SCGB2A1: variants seen among roughly 807,000 people sequenced by gnomAD.
The protein encoded by SCGB2A1 is secretoglobin family 2A member 1.
Under a neutral mutation model 9.2 loss-of-function variants are expected in SCGB2A1, and 6 were observed. The ratio of observed to expected loss-of-function variants is 0.66; its 90% CI spans 0.36 to 1.29. SCGB2A1 has a LOEUF of 1.29. SCGB2A1 is among the 50% of genes most tolerant of loss of function. The probability of loss-of-function intolerance (pLI) is 0.03; values close to 1 mark genes in which losing one functional copy is unlikely to be tolerated. For missense variants in SCGB2A1, 138 were observed against 116.9 expected, an observed-to-expected ratio of 1.18 and a Z score of -0.83; for synonymous variants, 37 against 41.0, an observed-to-expected ratio of 0.90 and a Z score of 0.37.
chr11:62,210,681 C>A, intron 2 of SCGB2A1, 81 bp downstream of exon 2: 1 of 1,092,654 alleles, frequency 9.2e-7, no homozygotes, highest in Non-Finnish European at 1.3e-6. Flanking sequence ...CCAAGAATGC[C>A]AAGCAACTGG....
Position 62,213,091 on chromosome 11 carries a change from C to CACACATATATAT in SCGB2A1, c.244-634_244-633insCACATATATATA, listed in dbSNP as rs57411910. ...ATATACATATATACACATATATACA[C>CACACATATATAT]ATATATATATATATATTTTTTTTTT... On this transcript the variant is annotated intron_variant, in intron 2 of 2. Transcript: ENST00000244930. 2.9e-3 allele frequency among the ~76,000 whole-genome samples: 40 copies of CACACATATATAT among 13,854 alleles called. 1 individual carries two copies. Among genetic ancestry groups the CACACATATATAT allele is most frequent in the South Asian group, 5.3e-3 (1 of 188 alleles). The allele number at this position is 13,854 out of a possible 152,430, so 9.1% of individuals were successfully genotyped here. A position where few individuals can be genotyped will look rare whatever the true frequency, so the allele number is the denominator to read the frequency against.
chr11:62,210,375 T>C, intron 1 of SCGB2A1, 38 bp from the exon 2 acceptor site: 1 of 1,535,008 alleles, frequency 6.5e-7, no homozygotes, highest in African/African-American at 1.4e-5. Flanking sequence ...TAATGGCCCA[T>C]GTTCTTGTGT....
chr11:62,212,957 TAC>T (rs113455333), intron 2 of SCGB2A1, among the ~76,000 whole-genome samples: 1 of 78,550 alleles, frequency 1.3e-5, no homozygotes, highest in Admixed American at 1.2e-4. Context: ...CACACATATG[TAC>T]ACATATGTAC....
intron 2 of SCGB2A1, among the ~76,000 whole-genome samples, chr11:62,211,675 C>T (rs528127358): frequency 6.6e-6 from 1 of 152,118 alleles, no homozygotes; most frequent in South Asian, 2.1e-4. Flanking sequence ...GCTGGGATTA[C>T]AGGTGTGAGC....
intron 2 of SCGB2A1, among the ~76,000 whole-genome samples, chr11:62,212,612 G>C (rs912761807): frequency 6.6e-5 from 10 of 152,006 alleles, no homozygotes; most frequent in Admixed American, 5.2e-4. Context: ...TCCAGCCTGG[G>C]CAACAGAGTA....
rs1944818227 is a variant in SCGB2A1, at chr11:62,210,308, G to A, written c.56-105G>A. 22 of 1,377,960 alleles carry A rather than the reference G, an allele frequency of 1.6e-5. 1 individual carries two copies. In the South Asian group the frequency reaches 3.2e-4, roughly 20 times the overall value. The allele number at this position is 1,377,960 out of a possible 1,614,324, so 85.4% of individuals were successfully genotyped here. ...TCTTTCTGAACCTCGGTCTGTCCCT[G>A]GAGGTACGAAGATAGCCAGCTTCCC... On this transcript the variant is annotated intron_variant, in intron 1 of 2. Coordinates refer to ENST00000244930, the MANE Select transcript of SCGB2A1 (RefSeq NM_002407.3).
At chr11:62,211,094 T>C (rs771858969) in intron 2 of SCGB2A1, among the ~76,000 whole-genome samples, 13 of 152,166 alleles carry the variant, frequency 8.5e-5, no homozygotes, top group Middle Eastern at 3.4e-3. Context: ...GGGCTAATTT[T>C]TGTATTTTAA....
Position 62,208,840 on chromosome 11 carries a change from C to G in SCGB2A1, c.55+54C>G, listed in dbSNP as rs1944805331. On this transcript the variant is annotated intron_variant, in intron 1 of 2. Coordinates refer to ENST00000244930, the MANE Select transcript of SCGB2A1 (RefSeq NM_002407.3). ...TGGGCTAGGAATTGTCACCTGGGCC[C>G]CTGTAGAAGAACTCCCAACCTCTAA... The G allele has an allele frequency of 2.5e-6, 4 of 1,570,078 alleles. No individual in the cohort carries two copies. In the African/African-American group the frequency reaches 4.0e-5, roughly 16 times the overall value.
rs1318422540 is a variant in SCGB2A1, at chr11:62,213,069, T to TAC, written c.244-655_244-654dup. ...ATATATACACATATATACACATATA[T>TAC]ACATATATACACATATATACACATA... On this transcript the variant is annotated intron_variant, in intron 2 of 2. Transcript: ENST00000244930. Among the ~76,000 whole-genome samples the TAC allele has an allele frequency of 1.6e-3, 82 of 51,378 alleles. 1 individual carries two copies. The highest frequency in any genetic ancestry group is 3.5e-3 in the Non-Finnish European group (54 of 15,386). The allele number at this position is 51,378 out of a possible 152,430, so 33.7% of individuals were successfully genotyped here.
intron 1 of SCGB2A1, among the ~76,000 whole-genome samples, chr11:62,209,679 T>TGTGTGTGTGTGTGTGTG (rs1554985480): frequency 1.1e-5 from 1 of 90,042 alleles, no homozygotes; most frequent in Admixed American, 1.2e-4. Context: ...GTGTGTGTGT[T>TGTGTGTGTGTGTGTGTG]TGAGACAGGG....
At chr11:62,213,489 T>C in intron 2 of SCGB2A1, 1 of 454,486 alleles carries the variant, frequency 2.2e-6, no homozygotes, top group South Asian at 4.3e-5. Flanking sequence ...AGAAAAAAAG[T>C]ATTACATGGA....
chr11:62,213,134 G>C (rs756276160), intron 2 of SCGB2A1, among the ~76,000 whole-genome samples: 3 of 99,990 alleles, frequency 3.0e-5, no homozygotes, highest in Non-Finnish European at 6.0e-5. Context: ...ATGGCATTTT[G>C]TCATATTGTC....
intron 2 of SCGB2A1, among the ~76,000 whole-genome samples, chr11:62,212,870 C>T (rs781421949): frequency 1.7e-4 from 26 of 149,508 alleles, no homozygotes; most frequent in Admixed American, 6.6e-4. Context: ...TGAGTAGCTG[C>T]GACTACAGGT....
At chr11:62,213,161 C>T (rs1251119637) in intron 2 of SCGB2A1, among the ~76,000 whole-genome samples, 1 of 141,194 alleles carries the variant, frequency 7.1e-6, no homozygotes, top group Non-Finnish European at 1.5e-5. Context: ...GGTTTAAACT[C>T]CTGGGGTCAA....
In SCGB2A1 at chr11:62,213,842, A is replaced by G. The variant is rs1296513486; in HGVS notation, c.*72A>G. ...ACTCATCTGTTGATTGCTAGAAACC[A>G]CTTTTCTTTCTTGTGTTGTCTTTTT... On this transcript the variant is annotated 3_prime_UTR_variant, in exon 3 of 3. Coordinates refer to ENST00000244930, the MANE Select transcript of SCGB2A1 (RefSeq NM_002407.3). The G allele has an allele frequency of 1.5e-6, 2 of 1,315,916 alleles. No homozygotes were observed. The highest frequency in any genetic ancestry group is 3.0e-5 in the African/African-American group (2 of 67,598). 81.5% of individuals were successfully genotyped at this position (1,315,916 alleles called of 1,614,324 possible). A position where few individuals can be genotyped will look rare whatever the true frequency, so the allele number is the denominator to read the frequency against.
chr11:62,213,659 A>T, intron 2 of SCGB2A1, 67 bp from the exon 3 acceptor site: 1 of 1,474,388 alleles, frequency 6.8e-7, no homozygotes, highest in Non-Finnish European at 9.4e-7. Flanking sequence ...AAACAAGAAG[A>T]CAAGTTTTAA....
At position 62,210,386 on chromosome 11, in the gene SCGB2A1, CTTTTTTTTTTT is replaced by C. The variant is rs201416395; in HGVS notation, c.56-15_56-5del. 83 of 1,349,528 alleles carry C rather than the reference CTTTTTTTTTTT, an allele frequency of 6.2e-5. No individual in the cohort carries two copies. Among genetic ancestry groups the C allele is most frequent in the Non-Finnish European group, 7.2e-5 (74 of 1,023,530 alleles). 83.6% of individuals were successfully genotyped at this position (1,349,528 alleles called of 1,614,324 possible). A position where few individuals can be genotyped will look rare whatever the true frequency, so the allele number is the denominator to read the frequency against. ...CTAGTAATGGCCCATGTTCTTGTGT[CTTTTTTTTTTT>C]TTTTTTTTTTTCCAGATTCTGGCTG... On this transcript the variant is annotated splice_polypyrimidine_tract_variant and intron_variant, in intron 1 of 2. Coordinates refer to ENST00000244930, the MANE Select transcript of SCGB2A1 (RefSeq NM_002407.3).
chr11:62,212,983 CATAT>C (rs1944844525), intron 2 of SCGB2A1, among the ~76,000 whole-genome samples: 1 of 147,232 alleles, frequency 6.8e-6, no homozygotes, highest in African/African-American at 2.5e-5. Context: ...TATATGTGCA[CATAT>C]ACATGCATAT....
rs539713699 is a variant in SCGB2A1, at chr11:62,210,757, T to C, written c.243+157T>C. 1.4e-3 allele frequency among the ~76,000 whole-genome samples: 209 copies of C among 152,144 alleles called. No individual in the cohort carries two copies. The Middle Eastern group carries it at 0.037, about 27-fold the overall frequency. ...CTCCAGGCTGCTTTGCCACTTCACA[T>C]TGAGAATCTTTAGGGAGTGATAAAT... On this transcript the variant is annotated intron_variant, in intron 2 of 2. Coordinates refer to ENST00000244930, the MANE Select transcript of SCGB2A1 (RefSeq NM_002407.3).
Sources: allele counts gnomAD v4.1 joint callset (sites outside exome capture counted in the v4.1 genomes callset), GRCh38; gene constraint gnomAD v4.1.1; transcripts MANE v1.5; gene names NCBI Gene and HGNC (gene_info 2026-07-23, HGNC 2026-07-21).